Variants in TP73 observed in about 807,000 individuals in gnomAD.
TP73 encodes tumor protein p73, also known as p53-like transcription factor.
TP73 carries 25 observed loss-of-function variants against 62.5 expected under a neutral mutation model. That is an observed-to-expected ratio of 0.40 (90% CI 0.29 to 0.56). The LOEUF (loss-of-function observed/expected upper bound fraction) is 0.56, where lower values mean the gene tolerates loss of function less well. TP73 is among the 20% of genes least tolerant of loss of function. TP73 has a pLI of 0.46. For synonymous variants in TP73, 423 were observed against 377.5 expected (o/e 1.12, Z -1.40); for missense variants, 754 against 913.3 (o/e 0.83, Z 2.25).
chr1:3,727,752 G>A lies in TP73; in HGVS notation c.967G>A (p.Gly323Arg), dbSNP rs1455917415. ...CCTGAACGAGAGCTCCGCCAAGAAC[G>A]GGGCCGCCAGCAAGCGTGGTGAGCG... ...QALNESSAKNGAASKRAFKQS... is the reference protein window; with the variant it reads ...QALNESSAKNRAASKRAFKQS... The change falls in exon 8 of 14, where the codon GGG (glycine) becomes AGG (arginine). Residue 323 changes from glycine (G) to arginine (R), a missense_variant. Around this residue, in one of 3 missense-constraint regions of TP73, gnomAD observed 458 missense variants for 528.7 expected, o/e 0.87. Transcript: ENST00000378295. The A allele has an allele frequency of 5.2e-6, 8 of 1,545,854 alleles. No homozygotes were observed. Among genetic ancestry groups the A allele is most frequent in the South Asian group, 4.8e-5 (4 of 84,062 alleles).
chr1:3,669,147 CG>C (rs1412550032), intron 1 of TP73, among the ~76,000 whole-genome samples: 1 of 152,254 alleles, frequency 6.6e-6, no homozygotes, highest in Non-Finnish European at 1.5e-5. Context: ...ACCGACCCTC[CG>C]GGGCCCAGGC....
At chr1:3,697,264 G>A (rs899628678) in intron 3 of TP73, among the ~76,000 whole-genome samples, 2 of 151,400 alleles carry the variant, frequency 1.3e-5, no homozygotes, top group Non-Finnish European at 3.0e-5. Flanking sequence ...TCTCAACACC[G>A]GAGCCAGAGG....
In TP73 at chr1:3,701,514, G is replaced by T. The variant is rs188179902; in HGVS notation, c.187-6035G>T. On this transcript the variant is annotated intron_variant, in intron 3 of 13. Transcript: ENST00000378295. This position sits in a 1 kb window ranked among gnomAD's most constrained non-coding sequence, Gnocchi z 4.7. ...GAAGTCCACGTTGATTTCTTTTTTGGTTTTTTTCGAGACAGAGTCTTGCTC... is the reference window on the plus strand; with the variant it reads ...GAAGTCCACGTTGATTTCTTTTTTGTTTTTTTTCGAGACAGAGTCTTGCTC... Among the ~76,000 whole-genome samples, 109 of 151,988 alleles carry T rather than the reference G, an allele frequency of 7.2e-4. No homozygotes were observed. The highest frequency in any genetic ancestry group is 9.8e-4 in the Admixed American group (15 of 15,262).
At chr1:3,714,780 C>T (rs770890357) in intron 4 of TP73, among the ~76,000 whole-genome samples, 47 of 152,226 alleles carry the variant, frequency 3.1e-4, no homozygotes, top group Non-Finnish European at 5.6e-4. Flanking sequence ...GTGGGCATTC[C>T]GGGGCCCTCT....
intron 3 of TP73, among the ~76,000 whole-genome samples, chr1:3,700,970 G>A (rs1639114382): frequency 6.6e-6 from 1 of 152,198 alleles, no homozygotes; most frequent in African/African-American, 2.4e-5. Flanking sequence ...GTCTTTCAAG[G>A]GGCTGTCCCC....
At chr1:3,732,714 G>GC in intron 13 of TP73, 33 bp from the exon 14 acceptor site, 1 of 1,533,792 alleles carries the variant, frequency 6.5e-7, no homozygotes, top group Non-Finnish European at 8.8e-7. Flanking sequence ...CTGCTCCACT[G>GC]CCCCCTGCCC....
intron 4 of TP73, among the ~76,000 whole-genome samples, chr1:3,715,958 G>C (rs910521631): frequency 2.0e-5 from 3 of 152,182 alleles, no homozygotes; most frequent in Non-Finnish European, 4.4e-5. Context: ...GGTGCACTCA[G>C]TGTCTCCCAG....
chr1:3,676,081 G>A (rs142727036), intron 1 of TP73, among the ~76,000 whole-genome samples: 1,691 of 150,636 alleles, frequency 0.011, 18 homozygotes, highest in Non-Finnish European at 0.018. Flanking sequence ...CACCCATGGG[G>A]ACAAGAGATA....
At position 3,733,612 on chromosome 1, in the gene TP73, G is replaced by A; in HGVS notation, c.*533G>A. ...CCTAACTGCGTCTTGCCCGCGCCGG[G>A]GGCTGGGGACTCTCTCTGCTGGACT... On this transcript the variant is annotated 3_prime_UTR_variant, in exon 14 of 14. Transcript: ENST00000378295. The A allele has an allele frequency of 6.3e-6, 1 of 159,512 alleles. No individual in the cohort carries two copies. Among genetic ancestry groups the A allele is most frequent in the Non-Finnish European group, 1.4e-5 (1 of 71,040 alleles). 9.9% of individuals were successfully genotyped at this position (159,512 alleles called of 1,614,324 possible). A position where few individuals can be genotyped will look rare whatever the true frequency, so the allele number is the denominator to read the frequency against.
rs752179148 is a variant in TP73, at chr1:3,683,055, C to G, written c.66-5C>G. 2.5e-6 allele frequency: 4 copies of G among 1,598,942 alleles called. No individual in the cohort carries two copies. In the East Asian group the frequency reaches 9.0e-5, roughly 36 times the overall value. Reference sequence around the variant, plus strand: ...GACGCTTCTATTTTCCTCTCCCTGCCCCAGGGAACCAGACAGCACCTACTT... The same window carrying G: ...GACGCTTCTATTTTCCTCTCCCTGCGCCAGGGAACCAGACAGCACCTACTT... On this transcript the variant is annotated splice_region_variant and splice_polypyrimidine_tract_variant and intron_variant, in intron 2 of 13. Coordinates refer to ENST00000378295, the MANE Select transcript of TP73 (RefSeq NM_005427.4).
chr1:3,730,834 C>A, intron 11 of TP73, 93 bp from the exon 12 acceptor site: 1 of 1,451,928 alleles, frequency 6.9e-7, no homozygotes, highest in Non-Finnish European at 9.2e-7. Context: ...TGGGATGGCT[C>A]CCTGGTGTCC....
intron 3 of TP73, among the ~76,000 whole-genome samples, chr1:3,686,081 C>A (rs1028093345): frequency 6.6e-6 from 1 of 152,222 alleles, no homozygotes; most frequent in Admixed American, 6.5e-5. Context: ...CTGCCCCTGG[C>A]GGCTCCCTCT....
intron 1 of TP73, among the ~76,000 whole-genome samples, chr1:3,667,860 T>C (rs1183175968): frequency 6.6e-6 from 1 of 151,668 alleles, no homozygotes; most frequent in Non-Finnish European, 1.5e-5. Flanking sequence ...GGCAGGGGAG[T>C]TCAGGAATAG....
chr1:3,723,570 TCTGCCTGC>T, intron 6 of TP73, 101 bp downstream of exon 6: 1 of 640,980 alleles, frequency 1.6e-6, no homozygotes. Flanking sequence ...AGTTGGCTGA[TCTGCCTGC>T]CTGTCCTGTC....
intron 4 of TP73, among the ~76,000 whole-genome samples, chr1:3,720,468 A>G (rs1395186212): frequency 6.6e-6 from 1 of 152,116 alleles, no homozygotes; most frequent in African/African-American, 2.4e-5. Context: ...ACCCCCTTCC[A>G]CTTGTCCCTC....
At chr1:3,732,478 GC>G (rs1290463354) in intron 13 of TP73, among the ~76,000 whole-genome samples, 1 of 152,192 alleles carries the variant, frequency 6.6e-6, no homozygotes, top group Non-Finnish European at 1.5e-5. Context: ...ACCAAGGAGG[GC>G]CCTGCCCTGA....
At chr1:3,682,467 CT>C (rs1271508358) in intron 2 of TP73, 37 bp downstream of exon 2, 5 of 1,442,428 alleles carry the variant, frequency 3.5e-6, no homozygotes, top group African/African-American at 1.4e-5. Context: ...GGGGGCCCCC[CT>C]GGGAGGCACT....
intron 3 of TP73, among the ~76,000 whole-genome samples, chr1:3,704,757 G>A (rs1213749385): frequency 6.6e-6 from 1 of 152,196 alleles, no homozygotes; most frequent in African/African-American, 2.4e-5. Context: ...GGACTCTGGG[G>A]CGGGGCCTGG....
At chr1:3,667,700 A>G (rs891046447) in intron 1 of TP73, among the ~76,000 whole-genome samples, 2 of 151,670 alleles carry the variant, frequency 1.3e-5, no homozygotes, top group African/African-American at 4.8e-5. Flanking sequence ...CAGTGAGCCA[A>G]GATGGAGCCA....
Sources: allele counts gnomAD v4.1 joint callset (sites outside exome capture counted in the v4.1 genomes callset), GRCh38; gene constraint gnomAD v4.1.1; regional missense constraint gnomAD v4.1.1; non-coding constraint Gnocchi (gnomAD v3.1); transcripts MANE v1.5; gene names NCBI Gene and HGNC (gene_info 2026-07-23, HGNC 2026-07-21).